IKZF4: variants seen among roughly 807,000 people sequenced by gnomAD.
The protein encoded by IKZF4 is zinc finger protein Eos.
In IKZF4, 11 loss-of-function variants were observed where a neutral mutation model predicts 47.7. The ratio of observed to expected loss-of-function variants is 0.23; its 90% CI spans 0.15 to 0.38. IKZF4 has a LOEUF of 0.38. Ranked by LOEUF, IKZF4 falls within the 10% of genes least tolerant of loss-of-function variation. IKZF4 has a pLI of 1.00. For synonymous variants in IKZF4, 298 were observed against 299.4 expected, an observed-to-expected ratio of 1.00 and a Z score of 0.05; for missense variants, 557 against 784.9, an observed-to-expected ratio of 0.71 and a Z score of 3.47.
At chr12:56,024,902 C>T (rs879902694) in intron 2 of IKZF4, 152 bp from the exon 3 acceptor site, 21 of 1,490,390 alleles carry the variant, frequency 1.4e-5, no homozygotes, top group African/African-American at 2.8e-5. Context: ...GGCGGGGGCA[C>T]AAGGTATGGT....
chr12:56,018,746 AAG>A (rs1280595827), upstream of IKZF4, among the ~76,000 whole-genome samples: 1 of 151,484 alleles, frequency 6.6e-6, no homozygotes. Context: ...CTAAATTTTT[AAG>A]AGATACCAGA....
At chr12:56,034,186 C>T (rs190892102) in intron 7 of IKZF4, among the ~76,000 whole-genome samples, 57 of 152,258 alleles carry the variant, frequency 3.7e-4, no homozygotes, top group Admixed American at 6.5e-4. Flanking sequence ...CAGGCGTGAG[C>T]CACCGCGCCC....
chr12:56,030,398 T>G (rs898685797), intron 5 of IKZF4, among the ~76,000 whole-genome samples: 1 of 149,862 alleles, frequency 6.7e-6, no homozygotes, highest in African/African-American at 2.5e-5. Context: ...GTCATTGCAC[T>G]CCAGTCTGGG....
At chr12:56,033,071 C>A in intron 6 of IKZF4, 119 bp from the exon 7 acceptor site, 1 of 1,220,110 alleles carries the variant, frequency 8.2e-7, no homozygotes, top group Non-Finnish European at 1.1e-6. Context: ...CCCAGTTTCC[C>A]AGGCAACTGG....
rs1478873023 is a variant in IKZF4 at position 56,029,680 on chromosome 12, C to T, written c.715+1733C>T. The T allele has an allele frequency of 3.3e-5, 5 of 152,302 alleles. No homozygotes were observed. The East Asian group carries it at 5.8e-4, about 18-fold the overall frequency. 9.4% of individuals were successfully genotyped at this position (152,302 alleles called of 1,614,324 possible). On this transcript the variant is annotated intron_variant, in intron 5 of 7. Coordinates refer to ENST00000547167, the MANE Select transcript of IKZF4 (RefSeq NM_022465.4). ...TGATACATGCTTTATATCTACAGAG[C>T]ATTTCACTTGTGTTTCTCCATGTGA...
chr12:56,027,146 G>A, intron 4 of IKZF4, 105 bp downstream of exon 4: 1 of 1,168,334 alleles, frequency 8.6e-7, no homozygotes, highest in Non-Finnish European at 1.1e-6. Context: ...GGTCATGCAG[G>A]GAGTGGGTAG....
intron 2 of IKZF4, chr12:56,024,075 AT>A (rs1420479734): frequency 1.4e-5 from 5 of 369,356 alleles, no homozygotes; most frequent in Non-Finnish European, 1.9e-5. Context: ...GGGAGGAGGG[AT>A]TTTTTTAAAA....
chr12:56,017,891 T>G (rs1892334073), upstream of IKZF4, among the ~76,000 whole-genome samples: 1 of 152,156 alleles, frequency 6.6e-6, no homozygotes, highest in Non-Finnish European at 1.5e-5. Context: ...TCTCCCTATA[T>G]TGCCCAGGCT....
intron 5 of IKZF4, 136 bp from the exon 6 acceptor site, chr12:56,032,425 A>G: frequency 1.2e-6 from 1 of 857,400 alleles, no homozygotes; most frequent in East Asian, 2.7e-5. Context: ...TTGGGAAATG[A>G]AAGACAAGTA....
intron 4 of IKZF4, 90 bp downstream of exon 4, chr12:56,027,131 G>A (rs879338197): frequency 5.4e-6 from 7 of 1,301,996 alleles, no homozygotes; most frequent in Non-Finnish European, 7.0e-6. Context: ...TATGGGGCTG[G>A]AGGAGGTCAT....
intron 5 of IKZF4, among the ~76,000 whole-genome samples, chr12:56,028,252 G>A (rs764469859): frequency 4.6e-5 from 7 of 152,034 alleles, no homozygotes; most frequent in South Asian, 2.1e-4. Context: ...TTGGCCTGGC[G>A]CGGTGGCTCA....
intron 2 of IKZF4, among the ~76,000 whole-genome samples, chr12:56,012,192 T>C (rs774405567): frequency 3.9e-5 from 6 of 152,110 alleles, no homozygotes; most frequent in Non-Finnish European, 7.4e-5. Context: ...TGCCATTCTC[T>C]CTACCTTCAC....
intron 1 of IKZF4, among the ~76,000 whole-genome samples, chr12:56,008,864 T>TG (rs537703688): frequency 3.0e-4 from 45 of 151,942 alleles, no homozygotes; most frequent in Middle Eastern, 6.8e-3. Flanking sequence ...TTAGTAGAGA[T>TG]GGGGGTCTCA....
intron 5 of IKZF4, among the ~76,000 whole-genome samples, chr12:56,028,879 G>A (rs1254017749): frequency 2.0e-5 from 3 of 151,998 alleles, no homozygotes; most frequent in Non-Finnish European, 2.9e-5. Flanking sequence ...CTGTGCCTGG[G>A]CTTTCCTGAC....
Position 56,025,293 on chromosome 12 carries a change from A to C in IKZF4, c.286+135A>C, listed in dbSNP as rs189120451. ...TCCTGCTTAGTCTCTAAGAGCAATG[A>C]GGAGCCCAGTGTCTAGGGTTTTTCT... On this transcript the variant is annotated intron_variant, in intron 3 of 7. Coordinates refer to ENST00000547167, the MANE Select transcript of IKZF4 (RefSeq NM_022465.4). The C allele has an allele frequency of 1.9e-5, 19 of 1,004,100 alleles. 1 individual carries two copies. The highest frequency in any genetic ancestry group is 2.5e-4 in the Middle Eastern group (1 of 4,054). 62.2% of individuals were successfully genotyped at this position (1,004,100 alleles called of 1,614,324 possible). A position where few individuals can be genotyped will look rare whatever the true frequency, so the allele number is the denominator to read the frequency against.
intron 5 of IKZF4, among the ~76,000 whole-genome samples, chr12:56,028,263 C>T (rs752150529): frequency 2.0e-5 from 3 of 151,876 alleles, no homozygotes; most frequent in Non-Finnish European, 4.4e-5. Flanking sequence ...CGGTGGCTCA[C>T]GCCTGTAATC....
intron 4 of IKZF4, 145 bp downstream of exon 4, chr12:56,027,186 C>A: frequency 1.6e-4 from 49 of 308,820 alleles, no homozygotes; most frequent in Middle Eastern, 1.1e-3. Context: ...TCACCCAGCA[C>A]ATTTTCCAGC....
rs915524313 is a variant in IKZF4 at position 56,024,584 on chromosome 12, A to G, written c.182-470A>G. ...AAGCCTGGCACATAGTAAGTACTCAATTAATATTATTAGCTGCTATGATGA... is the reference window on the plus strand; with the variant it reads ...AAGCCTGGCACATAGTAAGTACTCAGTTAATATTATTAGCTGCTATGATGA... On this transcript the variant is annotated intron_variant, in intron 2 of 7. Transcript: ENST00000547167. 7.4e-6 allele frequency: 7 copies of G among 951,190 alleles called. No individual in the cohort carries two copies. In the Admixed American group the frequency reaches 3.1e-4, roughly 43 times the overall value. The allele number at this position is 951,190 out of a possible 1,614,324, so 58.9% of individuals were successfully genotyped here.
chr12:56,018,081 T>C, upstream of IKZF4: 1 of 1,218,638 alleles, frequency 8.2e-7, no homozygotes, highest in Non-Finnish European at 1.1e-6. Context: ...GCCTCCTCCC[T>C]TCCCAGAGCT....
Sources: allele counts gnomAD v4.1 joint callset (sites outside exome capture counted in the v4.1 genomes callset), GRCh38; gene constraint gnomAD v4.1.1; transcripts MANE v1.5; gene names NCBI Gene and HGNC (gene_info 2026-07-23, HGNC 2026-07-21).